Variants in IL1RAPL2 observed in about 807,000 individuals in gnomAD.
IL1RAPL2 encodes the protein interleukin 1 receptor accessory protein like 2.
Under a neutral mutation model 44.1 loss-of-function variants are expected in IL1RAPL2, and 3 were observed. The ratio of observed to expected loss-of-function variants is 0.07; its 90% CI spans 0.03 to 0.18. The LOEUF is 0.18. Among genes scored for constraint, IL1RAPL2 ranks in the 10% least tolerant of loss-of-function variants. IL1RAPL2 has a pLI of 1.00. For missense variants in IL1RAPL2, 391 were observed against 496.4 expected, an observed-to-expected ratio of 0.79 and a Z score of 2.02; for synonymous variants, 181 against 178.8, an observed-to-expected ratio of 1.01 and a Z score of -0.10.
chrX:105,112,937 T>A (rs2032816585), intron 2 of IL1RAPL2, among the ~76,000 whole-genome samples: 1 of 112,751 alleles, frequency 8.9e-6, no homozygotes, highest in Non-Finnish European at 1.9e-5. Flanking sequence ...ACCCTATTGG[T>A]CCCAGGCCTA....
chrX:104,889,864 T>C (rs774112276), intron 2 of IL1RAPL2, among the ~76,000 whole-genome samples: 1 of 111,584 alleles, frequency 9.0e-6, no homozygotes, highest in African/African-American at 3.3e-5. Flanking sequence ...GTTTGTTACA[T>C]AGGTATACAT....
chrX:104,904,110 C>T (rs887977538), intron 2 of IL1RAPL2, among the ~76,000 whole-genome samples: 2 of 109,798 alleles, frequency 1.8e-5, no homozygotes, highest in Non-Finnish European at 3.8e-5. Context: ...AAATATCCCT[C>T]TCTCCTTATT....
At chrX:105,739,683 AT>A (rs1267961242) in intron 7 of IL1RAPL2, among the ~76,000 whole-genome samples, 1 of 106,826 alleles carries the variant, frequency 9.4e-6, no homozygotes, top group African/African-American at 3.4e-5. Context: ...TGAACTCATC[AT>A]TTTTTATGGC....
At chrX:104,826,256 A>T (rs772619861) in intron 2 of IL1RAPL2, among the ~76,000 whole-genome samples, 2 of 111,972 alleles carry the variant, frequency 1.8e-5, no homozygotes, top group Non-Finnish European at 3.8e-5. Context: ...ATTTAGTGCT[A>T]TGAATTTTCC....
chrX:105,501,633 C>T, intron 6 of IL1RAPL2, among the ~76,000 whole-genome samples: 1 of 110,971 alleles, frequency 9.0e-6, no homozygotes, highest in Non-Finnish European at 1.9e-5. Flanking sequence ...CAAACAACAA[C>T]AACAACAACA....
At chrX:105,619,425 A>G (rs2037404326) in intron 6 of IL1RAPL2, among the ~76,000 whole-genome samples, 1 of 111,683 alleles carries the variant, frequency 9.0e-6, no homozygotes, top group African/African-American at 3.3e-5. Flanking sequence ...AATTTCTCTT[A>G]CAAAATGGTA....
chrX:104,733,767 A>G (rs1931966313), intron 2 of IL1RAPL2, among the ~76,000 whole-genome samples: 1 of 110,898 alleles, frequency 9.0e-6, no homozygotes. Flanking sequence ...ATTCATTTTC[A>G]TGACCTAGGA....
At chrX:104,668,905 T>G (rs1930539456) in intron 2 of IL1RAPL2, among the ~76,000 whole-genome samples, 1 of 111,034 alleles carries the variant, frequency 9.0e-6, no homozygotes, top group South Asian at 3.8e-4. Flanking sequence ...CCACGATTCT[T>G]CAGTTTTTGA....
chrX:105,473,896 T>A (rs1174515932), intron 5 of IL1RAPL2, among the ~76,000 whole-genome samples: 1 of 112,128 alleles, frequency 8.9e-6, no homozygotes, highest in Non-Finnish European at 1.9e-5. Flanking sequence ...CGCAATGTCA[T>A]ATTCTGCTTC....
At chrX:105,221,583 A>G (rs997007032) in intron 3 of IL1RAPL2, among the ~76,000 whole-genome samples, 6 of 111,828 alleles carry the variant, frequency 5.4e-5, no homozygotes, top group Non-Finnish European at 1.1e-4. Flanking sequence ...TTATTTGGAC[A>G]TGGTCTTGTC....
chrX:104,895,840 G>T (rs1344796537), intron 2 of IL1RAPL2, among the ~76,000 whole-genome samples: 1 of 111,768 alleles, frequency 8.9e-6, no homozygotes. Flanking sequence ...TGGTACCTCA[G>T]TTGGAAATGC....
At chrX:104,672,884 A>C (rs989969983) in intron 2 of IL1RAPL2, among the ~76,000 whole-genome samples, 8 of 112,109 alleles carry the variant, frequency 7.1e-5, no homozygotes, top group African/African-American at 2.6e-4. Context: ...TTTTGGCTGC[A>C]TAAATGTCTT....
intron 2 of IL1RAPL2, among the ~76,000 whole-genome samples, chrX:105,160,387 T>C (rs1040766016): frequency 3.6e-5 from 4 of 111,309 alleles, no homozygotes; most frequent in South Asian, 3.7e-4. Context: ...TTATATTATA[T>C]GATGAAATTT....
In IL1RAPL2 at chrX:104,675,394, T is replaced by C. The variant is rs865835606; in HGVS notation, c.82+16399T>C. ...TCAGGAGCAGGTTGTTCAGTTTCCATGTAGTTGAGCGGTTTTGATTGAGAT... is the reference window on the plus strand; with the variant it reads ...TCAGGAGCAGGTTGTTCAGTTTCCACGTAGTTGAGCGGTTTTGATTGAGAT... On this transcript the variant is annotated intron_variant, in intron 2 of 10. Transcript: ENST00000372582. 6.3e-3 allele frequency among the ~76,000 whole-genome samples: 702 copies of C among 111,987 alleles called. 3 individuals carry two copies. Among genetic ancestry groups the C allele is most frequent in the African/African-American group, 0.022 (665 of 30,768 alleles).
At chrX:105,126,713 C>T (rs1361279325) in intron 2 of IL1RAPL2, among the ~76,000 whole-genome samples, 2 of 110,992 alleles carry the variant, frequency 1.8e-5, no homozygotes, top group South Asian at 3.7e-4. Flanking sequence ...AAATTAGTTG[C>T]GAAAACCATT....
At chrX:104,983,004 A>G (rs1000341674) in intron 2 of IL1RAPL2, among the ~76,000 whole-genome samples, 1 of 111,078 alleles carries the variant, frequency 9.0e-6, no homozygotes, top group Non-Finnish European at 1.9e-5. Flanking sequence ...ATGTTTCTTG[A>G]CTGTTACATT....
At chrX:105,038,094 C>G (rs1165502413) in intron 2 of IL1RAPL2, among the ~76,000 whole-genome samples, 1 of 111,513 alleles carries the variant, frequency 9.0e-6, no homozygotes, top group Non-Finnish European at 1.9e-5. Flanking sequence ...TGATCCCCCA[C>G]TAATTGCACA....
At chrX:104,832,844 A>G (rs1393809053) in intron 2 of IL1RAPL2, among the ~76,000 whole-genome samples, 2 of 111,276 alleles carry the variant, frequency 1.8e-5, no homozygotes, top group African/African-American at 3.3e-5. Flanking sequence ...AGGTATATCT[A>G]TTTATATACA....
intron 2 of IL1RAPL2, among the ~76,000 whole-genome samples, chrX:105,066,661 C>T (rs2032140869): frequency 9.0e-6 from 1 of 111,575 alleles, no homozygotes; most frequent in South Asian, 3.8e-4. Context: ...GGGTAGTCTT[C>T]CCTTTGTTAT....
Sources: gnomAD v4.1 joint callset for allele counts (sites outside exome capture counted in the v4.1 genomes callset) on GRCh38, gnomAD v4.1.1 for gene constraint, MANE v1.5 for transcripts, NCBI Gene and HGNC (gene_info 2026-07-23, HGNC 2026-07-21) for gene names.